Variants in SHISA9 observed in about 807,000 individuals in gnomAD.
SHISA9 encodes the protein protein shisa-9.
A neutral mutation model predicts 38.0 loss-of-function variants in SHISA9; 13 were observed. The ratio of observed to expected loss-of-function variants is 0.34; its 90% CI spans 0.22 to 0.54. SHISA9 has a LOEUF of 0.54. SHISA9 is among the 20% of genes least tolerant of loss of function. The pLI, the probability that SHISA9 is intolerant of heterozygous loss-of-function variation, is 0.91. For missense variants in SHISA9, 538 were observed against 575.8 expected, an observed-to-expected ratio of 0.93 and a Z score of 0.67; for synonymous variants, 275 against 242.0, an observed-to-expected ratio of 1.14 and a Z score of -1.27.
At chr16:13,264,932 GCTC>G in the SHISA9 span, among the ~76,000 whole-genome samples, 2 of 109,194 alleles carry the variant, frequency 1.8e-5, no homozygotes, top group Non-Finnish European at 3.7e-5. Context: ...CCCCTCCCTC[GCTC>G]CTCCTTTTCT....
At chr16:13,162,717 G>T (rs2050605887) in intron 2 of SHISA9, among the ~76,000 whole-genome samples, 1 of 152,058 alleles carries the variant, frequency 6.6e-6, no homozygotes, top group Non-Finnish European at 1.5e-5. Flanking sequence ...TATGGATATT[G>T]TCATAAGAGA....
chr16:12,967,683 A>G (rs1416960915), intron 2 of SHISA9, among the ~76,000 whole-genome samples: 4 of 152,088 alleles, frequency 2.6e-5, no homozygotes, highest in African/African-American at 7.2e-5. Flanking sequence ...AAAAAAAGAA[A>G]TACTCTGGAG....
chr16:13,542,485 TCA>T, the SHISA9 span, among the ~76,000 whole-genome samples: 1 of 152,172 alleles, frequency 6.6e-6, no homozygotes, highest in African/African-American at 2.4e-5. Flanking sequence ...TCACTCAATA[TCA>T]CACAGCCCCC....
intron 2 of SHISA9, among the ~76,000 whole-genome samples, chr16:13,158,001 T>A (rs192529226): frequency 1.3e-5 from 2 of 152,120 alleles, no homozygotes; most frequent in African/African-American, 4.8e-5. Flanking sequence ...AACAAGTTTT[T>A]TATGTCAGAA....
chr16:13,499,698 C>T, the SHISA9 span, among the ~76,000 whole-genome samples: 3 of 152,134 alleles, frequency 2.0e-5, no homozygotes, highest in African/African-American at 4.8e-5. Flanking sequence ...GTCCTCTGCA[C>T]ATCAGGAAGA....
the SHISA9 span, among the ~76,000 whole-genome samples, chr16:13,539,928 T>C: frequency 5.0e-5 from 4 of 80,086 alleles, no homozygotes; most frequent in Admixed American, 1.5e-4. Flanking sequence ...AACATGATCC[T>C]ACTCTTTTTT....
chr16:13,177,963 C>T (rs541187355), intron 2 of SHISA9, among the ~76,000 whole-genome samples: 3 of 152,296 alleles, frequency 2.0e-5, no homozygotes, highest in Admixed American at 6.5e-5. Flanking sequence ...TCACTGCGCC[C>T]GGCCAGGTTC....
At chr16:13,431,193 C>T in the SHISA9 span, among the ~76,000 whole-genome samples, 1 of 152,214 alleles carries the variant, frequency 6.6e-6, no homozygotes, top group East Asian at 1.9e-4. Flanking sequence ...ATCCCACACA[C>T]AAAACCTTCA....
At chr16:13,411,543 T>C in the SHISA9 span, among the ~76,000 whole-genome samples, 1 of 152,256 alleles carries the variant, frequency 6.6e-6, no homozygotes, top group African/African-American at 2.4e-5. Flanking sequence ...GCCTGTCTGC[T>C]GCATGGGGTC....
chr16:13,322,342 C>A, the SHISA9 span, among the ~76,000 whole-genome samples: 1 of 152,194 alleles, frequency 6.6e-6, no homozygotes, highest in African/African-American at 2.4e-5. Context: ...GCCAGGAGGG[C>A]CCTGAGTAGC....
chr16:13,353,756 G>A, the SHISA9 span, among the ~76,000 whole-genome samples: 1 of 152,246 alleles, frequency 6.6e-6, no homozygotes, highest in South Asian at 2.1e-4. Flanking sequence ...TTAAGTTGGT[G>A]GCTGAGCTTG....
chr16:13,140,185 C>T (rs2050389890), intron 2 of SHISA9, among the ~76,000 whole-genome samples: 1 of 122,382 alleles, frequency 8.2e-6, no homozygotes, highest in South Asian at 3.0e-4. Context: ...CCTTCCCTTC[C>T]CTTTCTTTTT....
At chr16:13,155,278 A>G (rs1374224514) in intron 2 of SHISA9, among the ~76,000 whole-genome samples, 1 of 152,144 alleles carries the variant, frequency 6.6e-6, no homozygotes, top group Non-Finnish European at 1.5e-5. Flanking sequence ...GGAGTGGAAT[A>G]CTTGGATATC....
chr16:13,337,782 CAGTG>C, the SHISA9 span, among the ~76,000 whole-genome samples: 1 of 152,064 alleles, frequency 6.6e-6, no homozygotes, highest in South Asian at 2.1e-4. Context: ...GTTCTTATGA[CAGTG>C]AGTGAGTTCT....
At chr16:13,190,539 C>G (rs1462645218) in intron 2 of SHISA9, among the ~76,000 whole-genome samples, 1 of 152,202 alleles carries the variant, frequency 6.6e-6, no homozygotes, top group Non-Finnish European at 1.5e-5. Context: ...GGCCCCCTGC[C>G]TTCTAAAACT....
chr16:13,412,390 G>C, the SHISA9 span, among the ~76,000 whole-genome samples: 1 of 152,084 alleles, frequency 6.6e-6, no homozygotes, highest in Non-Finnish European at 1.5e-5. Flanking sequence ...ACAAACAACA[G>C]ATGTTCATAC....
the SHISA9 span, among the ~76,000 whole-genome samples, chr16:13,253,804 A>G: frequency 1.2e-3 from 177 of 152,212 alleles, 1 homozygote; most frequent in Non-Finnish European, 2.0e-3. Context: ...CAGGAGTATT[A>G]TGAAACGTCC....
intron 2 of SHISA9, among the ~76,000 whole-genome samples, chr16:13,018,220 C>T (rs1480966559): frequency 2.0e-5 from 3 of 152,210 alleles, no homozygotes; most frequent in Non-Finnish European, 2.9e-5. Context: ...AGGGTTTATT[C>T]GGCTACTGCT....
At chr16:13,437,950 C>G in the SHISA9 span, among the ~76,000 whole-genome samples, 1 of 108,340 alleles carries the variant, frequency 9.2e-6, no homozygotes, top group Non-Finnish European at 2.1e-5. Flanking sequence ...ACTGCCACCT[C>G]TGCTTCCTGG....
Sources: gnomAD v4.1 joint callset for allele counts (sites outside exome capture counted in the v4.1 genomes callset) on GRCh38, gnomAD v4.1.1 for gene constraint, MANE v1.5 for transcripts, NCBI Gene and HGNC (gene_info 2026-07-23, HGNC 2026-07-21) for gene names.